Variants in MED17 observed in about 807,000 individuals in gnomAD.
MED17 encodes mediator complex subunit 17.
A neutral mutation model predicts 80.8 loss-of-function variants in MED17; 49 were observed. The observed-to-expected ratio is 0.61, with a 90% CI of 0.48 to 0.77. The LOEUF (loss-of-function observed/expected upper bound fraction) is 0.77, where lower values mean the gene tolerates loss of function less well. Ranked by LOEUF, MED17 falls within the 30% of genes least tolerant of loss-of-function variation. MED17 has a pLI of 0.00. For synonymous variants in MED17, 281 were observed against 280.4 expected, an observed-to-expected ratio of 1.00 and a Z score of -0.02; for missense variants, 718 against 787.0, an observed-to-expected ratio of 0.91 and a Z score of 1.05.
Position 93,811,949 on chromosome 11 carries a change from A to C in MED17, c.1841A>C (p.Lys614Thr). ...AAAAGTGATGTTTTACAAGATAACA[A>C]ATGGAGTCATCTTCGTGGGCCATTC... Reference protein sequence around the residue: ...LPKSDVLQDNKWSHLRGPFKE... With the variant: ...LPKSDVLQDNTWSHLRGPFKE... The change falls in exon 12 of 12, where the codon AAA becomes ACA. Residue 614 changes from lysine (K) to threonine (T), a missense_variant. Coordinates refer to ENST00000251871, the MANE Select transcript of MED17 (RefSeq NM_004268.5). 1 of 1,614,006 alleles carries C rather than the reference A, an allele frequency of 6.2e-7. No homozygotes were observed. The highest frequency in any genetic ancestry group is 1.1e-5 in the South Asian group (1 of 91,076).
At chr11:93,803,805 G>A (rs913464308) in intron 9 of MED17, among the ~76,000 whole-genome samples, 7 of 151,736 alleles carry the variant, frequency 4.6e-5, no homozygotes, top group South Asian at 2.1e-4. Context: ...CAATCTAAAC[G>A]TTGTAAACTT....
intron 2 of MED17, among the ~76,000 whole-genome samples, chr11:93,789,958 A>C (rs1181655243): frequency 6.6e-6 from 1 of 152,206 alleles, no homozygotes; most frequent in African/African-American, 2.4e-5. Context: ...ACTCCATCTC[A>C]AAAGAAAAAA....
chr11:93,793,118 T>TTTTTTTTTTTTTTTTTTTTTTC (rs1943857658), intron 3 of MED17: 1 of 118,248 alleles, frequency 8.5e-6, no homozygotes, highest in Non-Finnish European at 1.8e-5. Flanking sequence ...ACACCTCTTT[T>TTTTTTTTTTTTTTTTTTTTTTC]TTTTTTTTTT....
intron 9 of MED17, among the ~76,000 whole-genome samples, chr11:93,802,634 G>A (rs893554339): frequency 2.4e-4 from 36 of 152,144 alleles, no homozygotes; most frequent in African/African-American, 8.5e-4. Flanking sequence ...GGCAGGTCTA[G>A]TATATTTGAA....
At position 93,814,956 on chromosome 11, in the gene MED17, C is replaced by T. The variant is rs982270511; in HGVS notation, c.*2892C>T. The T allele has an allele frequency of 6.6e-6, 1 of 152,016 alleles. No individual in the cohort carries two copies. Among genetic ancestry groups the T allele is most frequent in the Non-Finnish European group, 1.5e-5 (1 of 68,022 alleles). The allele number at this position is 152,016 out of a possible 1,614,324, so 9.4% of individuals were successfully genotyped here. On this transcript the variant is annotated 3_prime_UTR_variant, in exon 12 of 12. Transcript: ENST00000251871. ...TATTGCTGATGAATAAAAACAGGGG[C>T]AACTACATTATTTAGTAAGTTCACT...
intron 1 of MED17, among the ~76,000 whole-genome samples, chr11:93,787,446 T>G (rs1316647454): frequency 2.6e-5 from 4 of 151,930 alleles, no homozygotes; most frequent in African/African-American, 9.7e-5. Flanking sequence ...AAGGCTACGC[T>G]CCATCTGTTA....
chr11:93,792,575 ATTTC>A (rs1350960577), intron 3 of MED17, among the ~76,000 whole-genome samples: 9 of 152,270 alleles, frequency 5.9e-5, no homozygotes, highest in Middle Eastern at 3.4e-3. Flanking sequence ...TGAACCACCT[ATTTC>A]TTATGTAATT....
intron 10 of MED17, chr11:93,808,134 C>T (rs553641383): frequency 5.8e-6 from 1 of 171,744 alleles, no homozygotes; most frequent in Non-Finnish European, 1.3e-5. Context: ...GAGGCTGAAG[C>T]GAGAGTATCA....
In MED17 at chr11:93,787,987, C is replaced by G. The variant is rs371816259; in HGVS notation, c.251-14C>G. The stretch of plus-strand genomic sequence containing the variant: ...ATACTTCTGTATTTCTTTTTTTTCT[C>G]TCTCTCTTTTTAGGAGTGGTAAAAT... On this transcript the variant is annotated splice_polypyrimidine_tract_variant and intron_variant, in intron 1 of 11. Coordinates refer to ENST00000251871, the MANE Select transcript of MED17 (RefSeq NM_004268.5). 11 of 1,611,572 alleles carry G rather than the reference C, an allele frequency of 6.8e-6. No homozygotes were observed. The African/African-American group carries it at 1.1e-4, about 16-fold the overall frequency.
At position 93,807,617 on chromosome 11, in the gene MED17, G is replaced by A. The variant is rs759214625; in HGVS notation, c.1566G>A (p.Gln522=). The A allele has an allele frequency of 6.2e-7, 1 of 1,608,264 alleles. No homozygotes were observed. Among genetic ancestry groups the A allele is most frequent in the South Asian group, 1.1e-5 (1 of 90,972 alleles). ...ITLSYQEQEL[Q]DFLLSQMSQH... is the part of the protein sequence containing the mutation. Reference sequence around the variant, plus strand: ...TGTCTTATCAGGAGCAGGAGCTACAGGATTTTCTTCTGTCTCAGGTAACAG... The same window carrying A: ...TGTCTTATCAGGAGCAGGAGCTACAAGATTTTCTTCTGTCTCAGGTAACAG... Residue 522 remains glutamine (Q), a synonymous_variant, in exon 10 of 12, where the codon CAG becomes CAA. Transcript: ENST00000251871.
intron 11 of MED17, chr11:93,810,290 TAGTAAC>T (rs1944072151): frequency 6.5e-6 from 1 of 153,358 alleles, no homozygotes; most frequent in Non-Finnish European, 1.5e-5. Context: ...ATTAAAAAAA[TAGTAAC>T]AGTTTTTAAA....
chr11:93,801,461 G>C, intron 8 of MED17: 1 of 235,996 alleles, frequency 4.2e-6, no homozygotes, highest in Non-Finnish European at 8.5e-6. Flanking sequence ...CAGGGATCAA[G>C]TACTGACATT....
At chr11:93,809,976 A>G in intron 11 of MED17, 100 bp downstream of exon 11, 2 of 1,196,580 alleles carry the variant, frequency 1.7e-6, no homozygotes, top group Non-Finnish European at 2.5e-6. Flanking sequence ...TATCTCTGCA[A>G]TAAATTAGTT....
At chr11:93,797,146 T>G (rs1943912708) in intron 7 of MED17, 1 of 236,312 alleles carries the variant, frequency 4.2e-6, no homozygotes, top group African/African-American at 2.3e-5. Context: ...TGCGTTCTAT[T>G]TATGAGACTC....
In MED17 at chr11:93,784,431, G is replaced by A; in HGVS notation, c.-83G>A. 2.0e-6 allele frequency: 3 copies of A among 1,498,364 alleles called. No homozygotes were observed. The highest frequency in any genetic ancestry group is 1.3e-5 in the South Asian group (1 of 76,690). 92.8% of individuals were successfully genotyped at this position (1,498,364 alleles called of 1,614,324 possible). ...CGCGGCTGCGGGCTTCTGAGTTCCC[G>A]GCTCTCCGCAGGGAAGCCTCCTCTT... On this transcript the variant is annotated 5_prime_UTR_variant, in exon 1 of 12. Transcript: ENST00000251871.
chr11:93,785,967 G>A (rs1322704964), intron 1 of MED17, among the ~76,000 whole-genome samples: 2 of 151,934 alleles, frequency 1.3e-5, no homozygotes, highest in African/African-American at 4.8e-5. Flanking sequence ...TTGTGCCACC[G>A]CACTCCAGCC....
chr11:93,802,773 T>C (rs1943976174), intron 9 of MED17, among the ~76,000 whole-genome samples: 1 of 152,190 alleles, frequency 6.6e-6, no homozygotes, highest in Admixed American at 6.5e-5. Context: ...CCCTAAAAAC[T>C]GGGTTGATAA....
At chr11:93,798,780 A>G (rs1016434720) in intron 8 of MED17, among the ~76,000 whole-genome samples, 2 of 152,220 alleles carry the variant, frequency 1.3e-5, no homozygotes, top group African/African-American at 2.4e-5. Flanking sequence ...GAAGTTTCTT[A>G]TAAGTAATAA....
At chr11:93,802,143 T>C (rs1474028340) in intron 9 of MED17, among the ~76,000 whole-genome samples, 171 bp downstream of exon 9, 1 of 152,146 alleles carries the variant, frequency 6.6e-6, no homozygotes, top group African/African-American at 2.4e-5. Flanking sequence ...CTCACTCTTT[T>C]ACCCAGGTTG....
Sources: gnomAD v4.1 joint callset for allele counts (sites outside exome capture counted in the v4.1 genomes callset) on GRCh38, gnomAD v4.1.1 for gene constraint, MANE v1.5 for transcripts, NCBI Gene and HGNC (gene_info 2026-07-23, HGNC 2026-07-21) for gene names.